FGF2: variants seen among roughly 807,000 people sequenced by gnomAD.
The protein encoded by FGF2 is basic fibroblast growth factor bFGF.
A neutral mutation model predicts 15.9 loss-of-function variants in FGF2; 13 were observed. The ratio of observed to expected loss-of-function variants is 0.82; its 90% CI spans 0.53 to 1.30. The LOEUF (loss-of-function observed/expected upper bound fraction) is 1.30, where lower values mean the gene tolerates loss of function less well. Among genes scored for constraint, FGF2 ranks in the 50% most tolerant of loss-of-function variants. FGF2 has a pLI of 0.00. For synonymous variants in FGF2, 90 were observed against 78.4 expected, an observed-to-expected ratio of 1.15 and a Z score of -0.78; for missense variants, 163 against 196.9, an observed-to-expected ratio of 0.83 and a Z score of 1.03.
intron 1 of FGF2, among the ~76,000 whole-genome samples, chr4:122,872,234 G>A (rs1236212190): frequency 6.6e-6 from 1 of 152,028 alleles, no homozygotes; most frequent in Non-Finnish European, 1.5e-5. Flanking sequence ...GCATACACAA[G>A]TATCAACACC....
intron 2 of FGF2, 117 bp from the exon 3 acceptor site, chr4:122,892,094 C>A: frequency 1.1e-6 from 1 of 920,600 alleles, no homozygotes; most frequent in Non-Finnish European, 1.7e-6. Flanking sequence ...CTGCTGAACC[C>A]AACATCACTG....
intron 1 of FGF2, among the ~76,000 whole-genome samples, chr4:122,860,314 C>T (rs1190239880): frequency 1.3e-5 from 2 of 151,970 alleles, no homozygotes; most frequent in Non-Finnish European, 2.9e-5. Context: ...GAATTATTTT[C>T]AATAGTTCAT....
In FGF2 at chr4:122,892,877, T is replaced by TA; in HGVS notation, c.*482dup. ...ATAATTCTCTGGCAGTTCCTTATGA[T>TA]AGAGTTTATAAAACAGTCCTGTGTA... On this transcript the variant is annotated 3_prime_UTR_variant, in exon 3 of 3. Transcript: ENST00000644866. 2 of 1,612,088 alleles carry TA rather than the reference T, an allele frequency of 1.2e-6. No homozygotes were observed. The highest frequency in any genetic ancestry group is 1.3e-5 in the African/African-American group (1 of 75,008).
rs139050677 is a variant in FGF2 at position 122,861,740 on chromosome 4, C to T, written c.179-14581C>T. ...GTATCTCCAGCCTCATTTAGTCCCC[C>T]ATACCCCCTTCCACAACACACACAT... On this transcript the variant is annotated intron_variant, in intron 1 of 2. Coordinates refer to ENST00000644866, the MANE Select transcript of FGF2 (RefSeq NM_001361665.2). Among the ~76,000 whole-genome samples, 5 of 152,134 alleles carry T rather than the reference C, an allele frequency of 3.3e-5. No individual in the cohort carries two copies. The East Asian group carries it at 9.6e-4, about 29-fold the overall frequency.
At position 122,897,502 on chromosome 4, in the gene FGF2, T is replaced by C; in HGVS notation, c.*5106T>C. 1.4e-6 allele frequency: 1 copy of C among 724,654 alleles called. No homozygotes were observed. Among genetic ancestry groups the C allele is most frequent in the Admixed American group, 2.3e-5 (1 of 42,712 alleles). The allele number at this position is 724,654 out of a possible 1,614,324, so 44.9% of individuals were successfully genotyped here. On this transcript the variant is annotated 3_prime_UTR_variant, in exon 3 of 3. Transcript: ENST00000644866. ...CAGCTCTGAGGTAATTTCTGAAATGTTCAGACTCAGTCGGAACAAATTGGA... is the reference window on the plus strand; with the variant it reads ...CAGCTCTGAGGTAATTTCTGAAATGCTCAGACTCAGTCGGAACAAATTGGA...
chr4:122,864,042 C>T (rs937492917), intron 1 of FGF2, among the ~76,000 whole-genome samples: 2 of 152,110 alleles, frequency 1.3e-5, no homozygotes, highest in Admixed American at 1.3e-4. Context: ...ACTTTAATCA[C>T]ATTTACAAAG....
Position 122,897,712 on chromosome 4 carries a change from A to T in FGF2, c.*5316A>T. The stretch of plus-strand genomic sequence containing the variant: ...TAAAGTCAGAAAATAAAGTTAACAT[A>T]ACTTTCACTAACACACACATATGTA... On this transcript the variant is annotated 3_prime_UTR_variant, in exon 3 of 3. Transcript: ENST00000644866. 1.5e-6 allele frequency: 2 copies of T among 1,296,888 alleles called. No individual in the cohort carries two copies. The highest frequency in any genetic ancestry group is 2.2e-6 in the Non-Finnish European group (2 of 890,476). 80.3% of individuals were successfully genotyped at this position (1,296,888 alleles called of 1,614,324 possible). A position where few individuals can be genotyped will look rare whatever the true frequency, so the allele number is the denominator to read the frequency against.
chr4:122,839,183 C>G (rs1490863388), intron 1 of FGF2, among the ~76,000 whole-genome samples: 1 of 152,112 alleles, frequency 6.6e-6, no homozygotes, highest in Non-Finnish European at 1.5e-5. Context: ...GATCATGTAA[C>G]ACAGTGGTAT....
chr4:122,883,031 C>T (rs769782535), intron 2 of FGF2: 7 of 152,214 alleles, frequency 4.6e-5, no homozygotes, highest in Non-Finnish European at 1.0e-4. Flanking sequence ...TGACCAGTAG[C>T]CATCATCTGG....
Position 122,863,085 on chromosome 4 carries a change from T to C in FGF2, c.179-13236T>C, listed in dbSNP as rs555094293. On this transcript the variant is annotated intron_variant, in intron 1 of 2. Transcript: ENST00000644866. ...GTTTAAAAATTTGTACTTTAGGGAATTATTCCTATGTGAACATTCTTATAA... is the reference window on the plus strand; with the variant it reads ...GTTTAAAAATTTGTACTTTAGGGAACTATTCCTATGTGAACATTCTTATAA... Among the ~76,000 whole-genome samples the C allele has an allele frequency of 1.2e-4, 18 of 152,316 alleles. No individual in the cohort carries two copies. The South Asian group carries it at 2.3e-3, about 19-fold the overall frequency.
intron 1 of FGF2, among the ~76,000 whole-genome samples, chr4:122,839,725 G>A (rs372013687): frequency 2.6e-5 from 4 of 152,062 alleles, no homozygotes; most frequent in South Asian, 4.2e-4. Context: ...CACTTGTGCC[G>A]GTCACTGCAA....
rs982797183 is a variant in FGF2 at position 122,894,247 on chromosome 4, T to C, written c.*1851T>C. 2.0e-5 allele frequency: 3 copies of C among 152,176 alleles called. No homozygotes were observed. Among genetic ancestry groups the C allele is most frequent in the Admixed American group, 6.5e-5 (1 of 15,276 alleles). The allele number at this position is 152,176 out of a possible 1,614,324, so 9.4% of individuals were successfully genotyped here. ...AATTACATGCTGACTTCCCTTACAA[T>C]TGAGATTTGCCCATAGGTTAAACAT... On this transcript the variant is annotated 3_prime_UTR_variant, in exon 3 of 3. Coordinates refer to ENST00000644866, the MANE Select transcript of FGF2 (RefSeq NM_001361665.2).
intron 1 of FGF2, among the ~76,000 whole-genome samples, chr4:122,847,152 G>A (rs1726129076): frequency 6.6e-6 from 1 of 152,170 alleles, no homozygotes; most frequent in Non-Finnish European, 1.5e-5. Context: ...ACATTATCTT[G>A]AATTCACTGT....
intron 1 of FGF2, among the ~76,000 whole-genome samples, chr4:122,860,279 A>G (rs967040863): frequency 1.3e-5 from 2 of 152,108 alleles, no homozygotes; most frequent in Non-Finnish European, 2.9e-5. Flanking sequence ...GAATTTTTAT[A>G]TATTCTTGTA....
chr4:122,868,205 A>G (rs1387737568), intron 1 of FGF2, among the ~76,000 whole-genome samples: 1 of 152,136 alleles, frequency 6.6e-6, no homozygotes, highest in East Asian at 1.9e-4. Context: ...GAACGTGCAC[A>G]TAGGTATACG....
intron 1 of FGF2, among the ~76,000 whole-genome samples, chr4:122,851,905 C>T (rs1459007215): frequency 6.6e-6 from 1 of 152,122 alleles, no homozygotes. Flanking sequence ...ATATTAGTTT[C>T]CTCATCTATT....
At chr4:122,856,412 G>A (rs140445474) in intron 1 of FGF2, among the ~76,000 whole-genome samples, 1,072 of 152,194 alleles carry the variant, frequency 7.0e-3, no homozygotes, top group Non-Finnish European at 8.9e-3. Flanking sequence ...TTTGGTCTGC[G>A]GGCTCTTCTG....
intron 2 of FGF2, among the ~76,000 whole-genome samples, chr4:122,889,588 C>A (rs1164956601): frequency 6.6e-6 from 1 of 152,066 alleles, no homozygotes; most frequent in Admixed American, 6.5e-5. Flanking sequence ...CCCTACTACT[C>A]ATTTTTTTAA....
intron 1 of FGF2, among the ~76,000 whole-genome samples, chr4:122,835,457 A>T (rs546408398): frequency 6.6e-6 from 1 of 151,128 alleles, no homozygotes; most frequent in East Asian, 1.9e-4. Context: ...TTGATTCCCC[A>T]TCTCAATTTC....
Sources: allele counts gnomAD v4.1 joint callset (sites outside exome capture counted in the v4.1 genomes callset), GRCh38; gene constraint gnomAD v4.1.1; transcripts MANE v1.5; gene names NCBI Gene and HGNC (gene_info 2026-07-23, HGNC 2026-07-21).